Variants in BLOC1S3 observed in about 807,000 individuals in gnomAD.
BLOC1S3 encodes biogenesis of lysosome-related organelles complex 1 subunit 3.
Under a neutral mutation model 9.1 loss-of-function variants are expected in BLOC1S3, and 7 were observed. The ratio of observed to expected loss-of-function variants is 0.77; its 90% CI spans 0.44 to 1.45. The LOEUF is 1.45. Ranked by LOEUF, BLOC1S3 falls within the 40% of genes most tolerant of loss-of-function variation. The probability of loss-of-function intolerance (pLI) is 0.01; values close to 1 mark genes in which losing one functional copy is unlikely to be tolerated. For synonymous variants in BLOC1S3, 145 were observed against 158.4 expected, an observed-to-expected ratio of 0.92 and a Z score of 0.64; for missense variants, 307 against 315.2, an observed-to-expected ratio of 0.97 and a Z score of 0.20.
downstream of BLOC1S3, among the ~76,000 whole-genome samples, chr19:45,185,335 T>TTGAA (rs974645883): frequency 1.3e-5 from 2 of 152,116 alleles, no homozygotes; most frequent in Non-Finnish European, 2.9e-5. Flanking sequence ...AAATTGTTTG[T>TTGAA]TGAATGAATG....
Position 45,179,405 on chromosome 19 carries a change from G to T in BLOC1S3, c.109G>T (p.Glu37Ter). ...GCGCTCTGCGTCCTCGTCGGAGGAGGAGGAGCTGTACCTGGGTCCTTCGGG... is the reference window on the plus strand; with the variant it reads ...GCGCTCTGCGTCCTCGTCGGAGGAGTAGGAGCTGTACCTGGGTCCTTCGGG... ...SERSASSSEE[E>*]ELYLGPSGPT... is the part of the protein sequence containing the mutation. Residue 37 changes from glutamate (E) to a stop codon, truncating the protein, a stop_gained, in exon 2 of 2, where the codon GAG (glutamate) becomes TAG (stop). Transcript: ENST00000433642. LOFTEE classifies it high-confidence loss of function. The surrounding 1 kb of genome is among the most constrained non-coding windows in gnomAD (Gnocchi z 4.6). 2 of 1,569,410 alleles carry T rather than the reference G, an allele frequency of 1.3e-6. No individual in the cohort carries two copies. The highest frequency in any genetic ancestry group is 1.4e-5 in the African/African-American group (1 of 72,998).
intron 3 of BLOC1S3, among the ~76,000 whole-genome samples, chr19:45,215,002 A>G (rs1385159539): frequency 6.6e-6 from 1 of 151,868 alleles, no homozygotes; most frequent in Non-Finnish European, 1.5e-5. Context: ...CTAAAAATAC[A>G]AAAATTAGCC....
intron 2 of BLOC1S3, among the ~76,000 whole-genome samples, chr19:45,200,944 G>A (rs1178543002): frequency 6.6e-6 from 1 of 152,222 alleles, no homozygotes; most frequent in Non-Finnish European, 1.5e-5. Context: ...GCTCACGCCT[G>A]TAATCCCAGC....
Position 45,179,295 on chromosome 19 carries a change from C to T in BLOC1S3, c.-2C>T, listed in dbSNP as rs1969468953. On this transcript the variant is annotated 5_prime_UTR_variant, in exon 2 of 2. Coordinates refer to ENST00000433642, the MANE Select transcript of BLOC1S3 (RefSeq NM_212550.5). The surrounding 1 kb of genome is among the most constrained non-coding windows in gnomAD (Gnocchi z 4.6). ...TTCGCTCTTCTCCCCTAGTTCGGTG[C>T]CATGGCGTCCCAGGGTCGTCGGCGG... 6.3e-7 allele frequency: 1 copy of T among 1,578,012 alleles called. No homozygotes were observed. Among genetic ancestry groups the T allele is most frequent in the South Asian group, 1.1e-5 (1 of 87,964 alleles).
chr19:45,197,117 CCTTATGGCTGCAGTGAG>C (rs1301748326), intron 2 of BLOC1S3, among the ~76,000 whole-genome samples: 1 of 150,306 alleles, frequency 6.7e-6, no homozygotes, highest in African/African-American at 2.5e-5. Context: ...TCCTTTACTC[CCTTATGGCTGCAGTGAG>C]CTATGATCGT....
At position 45,208,208 on chromosome 19, in the gene BLOC1S3, G is replaced by A. The variant is rs1422592557; in HGVS notation, n.282+5701G>A. ...AAGCTGGTCTCGAACTCCTGATCTC[G>A]TGATCTGCCCTCCTTGACCTCCCAA... On this transcript the variant is annotated intron_variant and non_coding_transcript_variant, in intron 3 of 3. Coordinates refer to the BLOC1S3 transcript ENST00000591569. 5.3e-5 allele frequency among the ~76,000 whole-genome samples: 8 copies of A among 151,702 alleles called. No individual in the cohort carries two copies. In the South Asian group the frequency reaches 1.0e-3, roughly 20 times the overall value.
At chr19:45,187,050 C>T (rs190932896), upstream of BLOC1S3, among the ~76,000 whole-genome samples, 8 of 152,266 alleles carry the variant, frequency 5.3e-5, no homozygotes, top group Admixed American at 2.6e-4. Flanking sequence ...GAACATCATC[C>T]TCATCAGTAG....
intron 3 of BLOC1S3, among the ~76,000 whole-genome samples, chr19:45,216,369 A>G (rs936918244): frequency 5.9e-5 from 9 of 152,258 alleles, no homozygotes; most frequent in Middle Eastern, 6.8e-3. Context: ...ACTAGAGGTC[A>G]GGACATCGAG....
chr19:45,188,655 C>T (rs1969583581), intron 2 of BLOC1S3, among the ~76,000 whole-genome samples: 1 of 151,102 alleles, frequency 6.6e-6, no homozygotes, highest in Non-Finnish European at 1.5e-5. Context: ...TCATTGCAAC[C>T]TGTGACTCCC....
At chr19:45,208,050 T>C (rs1399278612) in intron 3 of BLOC1S3, among the ~76,000 whole-genome samples, 1 of 151,314 alleles carries the variant, frequency 6.6e-6, no homozygotes. Flanking sequence ...TCTTGGCTCA[T>C]CGCAACCTCT....
chr19:45,210,256 G>T (rs184356341), intron 3 of BLOC1S3, among the ~76,000 whole-genome samples: 1 of 125,582 alleles, frequency 8.0e-6, no homozygotes, highest in Non-Finnish European at 1.7e-5. Context: ...TTTTTTTATT[G>T]TGCTGAAATA....
chr19:45,183,249 G>A (rs535304475), downstream of BLOC1S3, among the ~76,000 whole-genome samples: 3 of 152,170 alleles, frequency 2.0e-5, no homozygotes, highest in East Asian at 1.9e-4. Context: ...GGAGGTCGAG[G>A]CAGGCAGATC....
chr19:45,214,760 C>T (rs992595043), intron 3 of BLOC1S3, among the ~76,000 whole-genome samples: 3 of 152,000 alleles, frequency 2.0e-5, no homozygotes, highest in Admixed American at 6.6e-5. Context: ...CCACCATGCC[C>T]GGCCGATCTG....
intron 2 of BLOC1S3, among the ~76,000 whole-genome samples, chr19:45,188,383 C>T (rs1272080088): frequency 1.3e-5 from 2 of 151,702 alleles, no homozygotes; most frequent in Non-Finnish European, 2.9e-5. Context: ...CCATGTTGAC[C>T]AGGCTTGTAC....
chr19:45,183,833 C>T (rs1969546536), downstream of BLOC1S3, among the ~76,000 whole-genome samples: 1 of 151,834 alleles, frequency 6.6e-6, no homozygotes, highest in African/African-American at 2.4e-5. Flanking sequence ...GATGAGGTTT[C>T]ACCATATTGG....
At chr19:45,213,964 AAAAG>A (rs1357150193) in intron 3 of BLOC1S3, among the ~76,000 whole-genome samples, 1 of 151,878 alleles carries the variant, frequency 6.6e-6, no homozygotes. Context: ...AAAAGTAAAA[AAAAG>A]AAAGAAACCT....
chr19:45,210,036 A>G (rs1242173593), intron 3 of BLOC1S3, among the ~76,000 whole-genome samples: 3 of 145,406 alleles, frequency 2.1e-5, no homozygotes, highest in African/African-American at 8.2e-5. Flanking sequence ...CCTGGCCAGA[A>G]CTCTGTCTCA....
downstream of BLOC1S3, among the ~76,000 whole-genome samples, chr19:45,185,987 C>T (rs1468496286): frequency 6.6e-6 from 1 of 152,108 alleles, no homozygotes; most frequent in Non-Finnish European, 1.5e-5. Context: ...GTGGTGTGCA[C>T]CTGTAATTCC....
chr19:45,215,119 C>T (rs1055788255), intron 3 of BLOC1S3, among the ~76,000 whole-genome samples: 6 of 151,890 alleles, frequency 4.0e-5, no homozygotes, highest in African/African-American at 1.2e-4. Context: ...TCAGCCTGGG[C>T]GACAAAGTGA....
Sources: allele counts gnomAD v4.1 joint callset (sites outside exome capture counted in the v4.1 genomes callset), GRCh38; gene constraint gnomAD v4.1.1; non-coding constraint Gnocchi (gnomAD v3.1); transcripts MANE v1.5; gene names NCBI Gene and HGNC (gene_info 2026-07-23, HGNC 2026-07-21).